GSE1: variants seen among roughly 807,000 people sequenced by gnomAD.
The protein encoded by GSE1 is Gse1 coiled-coil protein, also known as genetic suppressor element 1.
Under a neutral mutation model 112.6 loss-of-function variants are expected in GSE1, and 32 were observed. The ratio of observed to expected loss-of-function variants is 0.28; its 90% CI spans 0.21 to 0.38. The LOEUF (loss-of-function observed/expected upper bound fraction) is 0.38. Ranked by LOEUF, GSE1 falls within the 10% of genes least tolerant of loss-of-function variation. The pLI is 1.00. For synonymous variants in GSE1, 1,115 were observed against 735.6 expected, an observed-to-expected ratio of 1.52 and a Z score of -8.35; for missense variants, 2,348 against 1,699.2, an observed-to-expected ratio of 1.38 and a Z score of -6.71.
At chr16:85,176,753 C>CT (rs2074474836) in intron 1 of GSE1, among the ~76,000 whole-genome samples, 1 of 152,258 alleles carries the variant, frequency 6.6e-6, no homozygotes, top group African/African-American at 2.4e-5. Flanking sequence ...GGTGTTGCTG[C>CT]CGCAACCACC....
intron 2 of GSE1, among the ~76,000 whole-genome samples, chr16:85,409,513 C>T (rs372355565): frequency 2.4e-4 from 1 of 4,172 alleles, no homozygotes; most frequent in African/African-American, 2.9e-4. Flanking sequence ...CAGGGCCCCC[C>T]GGATAATCCT....
chr16:85,217,853 A>G (rs1352347767), intron 1 of GSE1, among the ~76,000 whole-genome samples: 1 of 152,004 alleles, frequency 6.6e-6, no homozygotes, highest in Non-Finnish European at 1.5e-5. Flanking sequence ...CCCTGTCCCC[A>G]GTCAGAAGTC....
chr16:85,193,552 C>T lies in GSE1; in HGVS notation c.2283+21745C>T, dbSNP rs59427236. Among the ~76,000 whole-genome samples the T allele has an allele frequency of 9.3e-3, 1,418 of 152,214 alleles. 28 individuals carry two copies. Among genetic ancestry groups the T allele is most frequent in the African/African-American group, 0.033 (1,371 of 41,516 alleles). On this transcript the variant is annotated intron_variant, in intron 1 of 2. Coordinates refer to the GSE1 transcript ENST00000637419. ...TCAGCTCACTGCAACCTCCGCCTCCCGGGTTCAAGCGATTCTCCTGCCTCA... is the reference window on the plus strand; with the variant it reads ...TCAGCTCACTGCAACCTCCGCCTCCTGGGTTCAAGCGATTCTCCTGCCTCA...
chr16:85,303,939 T>C (rs2151466207), intron 1 of GSE1, among the ~76,000 whole-genome samples: 2 of 152,336 alleles, frequency 1.3e-5, no homozygotes, highest in African/African-American at 4.8e-5. Context: ...GCCGGCCTCC[T>C]GCCTCTGGGC....
Position 85,671,055 on chromosome 16 carries a change from A to G in GSE1, c.3476A>G (p.Tyr1159Cys), listed in dbSNP as rs769657472. 8.1e-6 allele frequency: 13 copies of G among 1,612,448 alleles called. No individual in the cohort carries two copies. Among genetic ancestry groups the G allele is most frequent in the Non-Finnish European group, 1.1e-5 (13 of 1,178,614 alleles). The change falls in exon 15 of 16, where the codon TAC becomes TGC. Residue 1159 changes from tyrosine to cysteine, a missense_variant. Tyr to Cys is a radical substitution (Grantham distance 194). Transcript: ENST00000253458. ...TGTAGACGACTGGAGGCCCGGCACT[A>G]CAGCCTCAGCCTGACGGCAGAGCAG... ...TQCRRLEARHYSLSLTAEQLS... is the reference protein window; with the variant it reads ...TQCRRLEARHCSLSLTAEQLS...
At chr16:85,422,411 G>A (rs563960671) in intron 2 of GSE1, among the ~76,000 whole-genome samples, 131 of 152,102 alleles carry the variant, frequency 8.6e-4, no homozygotes, top group African/African-American at 2.9e-3. Context: ...GAGGGATGTC[G>A]GTTCCTCCCC....
intron 1 of GSE1, among the ~76,000 whole-genome samples, chr16:85,335,438 C>T (rs1030665928): frequency 1.3e-5 from 2 of 152,188 alleles, no homozygotes; most frequent in Admixed American, 6.5e-5. Context: ...AGCGCGGAGC[C>T]GGGAGTGGGC....
At chr16:85,421,346 A>T (rs180909699) in intron 2 of GSE1, among the ~76,000 whole-genome samples, 2 of 152,068 alleles carry the variant, frequency 1.3e-5, no homozygotes, top group East Asian at 3.9e-4. Flanking sequence ...CCACAGGGTC[A>T]CCCCAATTTC....
chr16:85,307,600 G>T (rs866692238), intron 1 of GSE1, among the ~76,000 whole-genome samples: 59 of 46,496 alleles, frequency 1.3e-3, no homozygotes, highest in African/African-American at 8.6e-3. Flanking sequence ...TGACAACAGC[G>T]TGTGATGGCA....
intron 1 of GSE1, among the ~76,000 whole-genome samples, chr16:85,217,989 C>A (rs1038675077): frequency 1.3e-5 from 2 of 152,170 alleles, no homozygotes; most frequent in African/African-American, 4.8e-5. Context: ...CAACCTCTGC[C>A]TCCTAGGTTC....
At chr16:85,575,478 G>A (rs1361721428) in intron 1 of GSE1, among the ~76,000 whole-genome samples, 4 of 150,460 alleles carry the variant, frequency 2.7e-5, no homozygotes, top group African/African-American at 9.7e-5. Flanking sequence ...CTTCCCTCTC[G>A]TCTCCCCTCT....
intron 2 of GSE1, among the ~76,000 whole-genome samples, chr16:85,433,259 G>A (rs1332500102): frequency 6.6e-6 from 1 of 152,060 alleles, no homozygotes; most frequent in Non-Finnish European, 1.5e-5. Flanking sequence ...GAACCCCAAA[G>A]AAACATCTCT....
In GSE1 at chr16:85,663,405, C is replaced by T; in HGVS notation, c.2435C>T (p.Ala812Val). The T allele has an allele frequency of 6.2e-7, 1 of 1,613,824 alleles. No homozygotes were observed. The highest frequency in any genetic ancestry group is 8.5e-7 in the Non-Finnish European group (1 of 1,179,976). Residue 812 changes from alanine to valine, a missense_variant, in exon 11 of 16, where the codon GCC (alanine) becomes GTC (valine). Transcript: ENST00000253458. ...TTQQQKEELV[A>V]QKRRKRRRML... ...CAACAGCAGAAGGAGGAATTGGTGG[C>T]CCAGAAGCGGAGGAAGCGGCGGAGG... is the stretch of plus-strand genomic sequence containing the variant.
intron 1 of GSE1, among the ~76,000 whole-genome samples, chr16:85,194,780 C>T (rs1249248369): frequency 6.6e-6 from 1 of 152,170 alleles, no homozygotes; most frequent in African/African-American, 2.4e-5. Flanking sequence ...AAGACCTTCT[C>T]TCCAGGGTGC....
chr16:85,319,947 C>A (rs949994448), intron 1 of GSE1, among the ~76,000 whole-genome samples: 1 of 152,206 alleles, frequency 6.6e-6, no homozygotes, highest in Middle Eastern at 3.2e-3. Flanking sequence ...CCCTGGGTCC[C>A]GGGCTTACAA....
In GSE1 at chr16:85,493,790, CAAAA is replaced by C. The variant is rs61555687; in HGVS notation, c.2464+136163_2464+136166del. ...GGGCAACGAGAGTGAGACTCCGTCT[CAAAA>C]AAAAAAAAAAAAAAAGCCAGCTGTG... is the stretch of plus-strand genomic sequence containing the variant. On this transcript the variant is annotated intron_variant, in intron 2 of 2. Transcript: ENST00000637419. Among the ~76,000 whole-genome samples the C allele has an allele frequency of 1.1e-4, 9 of 84,442 alleles. No individual in the cohort carries two copies. The South Asian group carries it at 1.8e-3, about 17-fold the overall frequency. The allele number at this position is 84,442 out of a possible 152,430, so 55.4% of individuals were successfully genotyped here.
chr16:85,486,400 G>T (rs926120566), intron 2 of GSE1, among the ~76,000 whole-genome samples: 2 of 152,326 alleles, frequency 1.3e-5, no homozygotes, highest in East Asian at 3.9e-4. Context: ...GTTCTCCCCG[G>T]CGTTGCCCAG....
chr16:85,273,754 A>T (rs2144201561), intron 1 of GSE1, among the ~76,000 whole-genome samples: 1 of 151,388 alleles, frequency 6.6e-6, no homozygotes, highest in Non-Finnish European at 1.5e-5. Context: ...CAGTGGTGCG[A>T]TCTCGGCTCA....
chr16:85,559,156 T>TG (rs2045394492), intron 1 of GSE1, among the ~76,000 whole-genome samples: 1 of 152,220 alleles, frequency 6.6e-6, no homozygotes, highest in Admixed American at 6.5e-5. Context: ...TGCCCAGCCC[T>TG]GGCCTGGTCC....
Sources: gnomAD v4.1 joint callset for allele counts (sites outside exome capture counted in the v4.1 genomes callset) on GRCh38, gnomAD v4.1.1 for gene constraint, MANE v1.5 for transcripts, NCBI Gene and HGNC (gene_info 2026-07-23, HGNC 2026-07-21) for gene names.